HSD17B12: variants seen among roughly 807,000 people sequenced by gnomAD.
HSD17B12 encodes very-long-chain 3-oxoacyl-CoA reductase.
Under a neutral mutation model 39.3 loss-of-function variants are expected in HSD17B12, and 32 were observed. That is an observed-to-expected ratio of 0.81 (90% CI 0.61 to 1.09). The LOEUF (loss-of-function observed/expected upper bound fraction) is 1.09, where lower values mean the gene tolerates loss of function less well. HSD17B12 is among the 50% of genes least tolerant of loss of function. HSD17B12 has a pLI of 0.00. For missense variants in HSD17B12, 342 were observed against 382.9 expected (o/e 0.89, Z 0.89); for synonymous variants, 150 against 146.7 (o/e 1.02, Z -0.16).
the HSD17B12 span, among the ~76,000 whole-genome samples, chr11:43,582,961 G>T: frequency 6.6e-6 from 1 of 152,326 alleles, no homozygotes; most frequent in African/African-American, 2.4e-5. Flanking sequence ...TTTCCTCCCT[G>T]CCTCTCACCT....
chr11:43,581,621 G>T, the HSD17B12 span: 1 of 371,306 alleles, frequency 2.7e-6, no homozygotes, highest in Non-Finnish European at 5.5e-6. The surrounding 1 kb of genome is among the most constrained non-coding windows in gnomAD (Gnocchi z 4.9). Context: ...TTTCCGCGGT[G>T]CCCGAGGCTT....
chr11:43,682,508 C>G lies in HSD17B12; in HGVS notation c.160+1521C>G, dbSNP rs1245879903. 1.5e-3 allele frequency among the ~76,000 whole-genome samples: 214 copies of G among 147,264 alleles called. 2 individuals carry two copies. The highest frequency in any genetic ancestry group is 5.2e-3 in the African/African-American group (203 of 39,232). ...AGTGAGCCGAGATCATGCCACTGCACTCCATCCAGCCTGGGTGACAGAGCG... is the reference window on the plus strand; with the variant it reads ...AGTGAGCCGAGATCATGCCACTGCAGTCCATCCAGCCTGGGTGACAGAGCG... On this transcript the variant is annotated intron_variant, in intron 1 of 10. Coordinates refer to ENST00000278353, the MANE Select transcript of HSD17B12 (RefSeq NM_016142.3).
At chr11:43,705,219 G>T (rs1950002397) in intron 1 of HSD17B12, among the ~76,000 whole-genome samples, 1 of 152,188 alleles carries the variant, frequency 6.6e-6, no homozygotes, top group Non-Finnish European at 1.5e-5. Context: ...GATTATGCTG[G>T]TTATTGAGTT....
the HSD17B12 span, among the ~76,000 whole-genome samples, chr11:43,651,985 A>T: frequency 1.3e-5 from 2 of 152,238 alleles, no homozygotes; most frequent in Admixed American, 1.3e-4. Context: ...TGAGAAATTT[A>T]AAGAATACAT....
the HSD17B12 span, among the ~76,000 whole-genome samples, chr11:43,618,490 CCAAA>C: frequency 6.6e-6 from 1 of 152,156 alleles, no homozygotes; most frequent in African/African-American, 2.4e-5. Flanking sequence ...TGACATTTCA[CCAAA>C]CAAAGGAATT....
At chr11:43,718,807 C>T (rs1001285412) in intron 1 of HSD17B12, 40 of 923,044 alleles carry the variant, frequency 4.3e-5, no homozygotes, top group Admixed American at 1.7e-4. Flanking sequence ...GCACGTCACC[C>T]GCCTTCTGGT....
At chr11:43,620,561 G>A in the HSD17B12 span, among the ~76,000 whole-genome samples, 3 of 152,180 alleles carry the variant, frequency 2.0e-5, no homozygotes, top group Non-Finnish European at 4.4e-5. Flanking sequence ...AAACAGTTAC[G>A]TGTCATGGTC....
chr11:43,770,359 C>T (rs1272628726), intron 3 of HSD17B12, among the ~76,000 whole-genome samples: 1 of 152,196 alleles, frequency 6.6e-6, no homozygotes. Context: ...GCCCAGCCCA[C>T]TCATATAGTG....
chr11:43,840,574 C>T (rs1028267832), intron 9 of HSD17B12, among the ~76,000 whole-genome samples: 1 of 148,322 alleles, frequency 6.7e-6, no homozygotes, highest in African/African-American at 2.6e-5. Flanking sequence ...GGCAACCTAT[C>T]TATCTCTATG....
At chr11:43,845,263 C>T (rs1951464257) in intron 9 of HSD17B12, among the ~76,000 whole-genome samples, 1 of 152,192 alleles carries the variant, frequency 6.6e-6, no homozygotes, top group Non-Finnish European at 1.5e-5. Context: ...AGATTACAGG[C>T]GTGAGCCACC....
chr11:43,765,983 G>A (rs1168129055), intron 3 of HSD17B12, among the ~76,000 whole-genome samples: 4 of 152,004 alleles, frequency 2.6e-5, no homozygotes, highest in East Asian at 1.9e-4. Flanking sequence ...CCGCCACTGC[G>A]CCCGGCTAAT....
chr11:43,565,446 G>T, the HSD17B12 span, among the ~76,000 whole-genome samples: 1 of 152,152 alleles, frequency 6.6e-6, no homozygotes, highest in African/African-American at 2.4e-5. Flanking sequence ...TCCCCTAGCT[G>T]GTCCAAACCC....
At chr11:43,834,158 C>T (rs1951343318) in intron 7 of HSD17B12, 1 of 152,160 alleles carries the variant, frequency 6.6e-6, no homozygotes, top group Admixed American at 6.5e-5. Context: ...TAATTATACA[C>T]CTGACCCCTA....
chr11:43,615,727 G>A, the HSD17B12 span, among the ~76,000 whole-genome samples: 2 of 152,174 alleles, frequency 1.3e-5, no homozygotes, highest in Non-Finnish European at 2.9e-5. Context: ...GTTTATAGAA[G>A]GAGGACTAGT....
At chr11:43,659,525 A>G in the HSD17B12 span, among the ~76,000 whole-genome samples, 1 of 152,214 alleles carries the variant, frequency 6.6e-6, no homozygotes, top group African/African-American at 2.4e-5. Flanking sequence ...CTATTCGGCC[A>G]TCTTGGCTCC....
upstream of HSD17B12, among the ~76,000 whole-genome samples, chr11:43,679,524 C>A (rs1019462321): frequency 1.3e-5 from 2 of 152,166 alleles, no homozygotes; most frequent in Non-Finnish European, 2.9e-5. Context: ...TCCTCTGCAA[C>A]TTTGCTAACG....
the HSD17B12 span, among the ~76,000 whole-genome samples, chr11:43,643,386 A>C: frequency 6.6e-6 from 1 of 152,136 alleles, no homozygotes. Flanking sequence ...AAAAACCTTG[A>C]AGGAGTTCAT....
chr11:43,710,842 G>A (rs1171031217), intron 1 of HSD17B12, among the ~76,000 whole-genome samples: 1 of 152,128 alleles, frequency 6.6e-6, no homozygotes, highest in Non-Finnish European at 1.5e-5. Context: ...CCAGACTGGA[G>A]TACAGTGGCA....
chr11:43,798,920 T>TC (rs1320403152), intron 4 of HSD17B12, among the ~76,000 whole-genome samples: 2 of 152,164 alleles, frequency 1.3e-5, no homozygotes, highest in African/African-American at 4.8e-5. Context: ...GTGTAATTTA[T>TC]CCCCCTGATA....
Sources: gnomAD v4.1 joint callset for allele counts (sites outside exome capture counted in the v4.1 genomes callset) on GRCh38, gnomAD v4.1.1 for gene constraint, Gnocchi (gnomAD v3.1) non-coding constraint, MANE v1.5 for transcripts, NCBI Gene and HGNC (gene_info 2026-07-23, HGNC 2026-07-21) for gene names.